GNB4: variants seen among roughly 807,000 people sequenced by gnomAD.
GNB4 encodes G protein subunit beta 4.
Under a neutral mutation model 45.2 loss-of-function variants are expected in GNB4, and 28 were observed. That is an observed-to-expected ratio of 0.62 (90% confidence interval 0.46 to 0.85). The LOEUF is 0.85. Among genes scored for constraint, GNB4 ranks in the 40% least tolerant of loss-of-function variants. The pLI is 0.00. For synonymous variants in GNB4, 132 were observed against 143.7 expected (o/e 0.92, Z 0.58); for missense variants, 321 against 425.4 (o/e 0.75, Z 2.16).
intron 1 of GNB4, among the ~76,000 whole-genome samples, chr3:179,449,415 C>A (rs1266035458): frequency 1.3e-5 from 2 of 152,194 alleles, no homozygotes. Context: ...GAAAAACAAA[C>A]ATGCTTCTGG....
the GNB4 span, among the ~76,000 whole-genome samples, chr3:179,472,529 A>T: frequency 6.6e-6 from 1 of 151,638 alleles, no homozygotes; most frequent in African/African-American, 2.4e-5. Context: ...GTGTCACTAT[A>T]CCTGGCAAGT....
chr3:179,502,389 A>T, the GNB4 span, among the ~76,000 whole-genome samples: 1 of 151,642 alleles, frequency 6.6e-6, no homozygotes, highest in Admixed American at 6.6e-5. Flanking sequence ...ACCCGCCACC[A>T]TGCCTGGCTA....
intron 2 of GNB4, among the ~76,000 whole-genome samples, chr3:179,423,668 C>G (rs1041453738): frequency 2.0e-5 from 3 of 152,106 alleles, no homozygotes; most frequent in Admixed American, 2.0e-4. Flanking sequence ...ATAGACCCAG[C>G]TTCTCAGGAC....
Position 179,396,093 on chromosome 3 carries a change from T to C in GNB4, c.*5120A>G, listed in dbSNP as rs1223339769. ...CATAAAAAAATACAATGAAATCTGG[T>C]TAAAAGCACTTTATTGATTACAGTA... On this transcript the variant is annotated 3_prime_UTR_variant, in exon 10 of 10. Transcript: ENST00000232564. 6.6e-6 allele frequency: 1 copy of C among 151,416 alleles called. No homozygotes were observed. Among genetic ancestry groups the C allele is most frequent in the Non-Finnish European group, 1.5e-5 (1 of 67,908 alleles). The allele number at this position is 151,416 out of a possible 1,614,324, so 9.4% of individuals were successfully genotyped here. A position where few individuals can be genotyped will look rare whatever the true frequency, so the allele number is the denominator to read the frequency against.
At chr3:179,448,881 C>T (rs576466047) in intron 1 of GNB4, among the ~76,000 whole-genome samples, 1 of 152,204 alleles carries the variant, frequency 6.6e-6, no homozygotes, top group Admixed American at 6.5e-5. Context: ...GAGTTCAAGA[C>T]CAGCCTGGGC....
the GNB4 span, among the ~76,000 whole-genome samples, chr3:179,521,053 G>A: frequency 1.3e-5 from 2 of 152,240 alleles, no homozygotes; most frequent in East Asian, 3.9e-4. Flanking sequence ...ATCAAACTCG[G>A]GGATTTGCCC....
At chr3:179,428,420 CTGAAG>C (rs1203756165) in intron 1 of GNB4, among the ~76,000 whole-genome samples, 1 of 152,186 alleles carries the variant, frequency 6.6e-6, no homozygotes, top group African/African-American at 2.4e-5. Context: ...TCCCATTCCG[CTGAAG>C]TGAAGACAAG....
chr3:179,401,289 C>G lies in GNB4; in HGVS notation c.947G>C (p.Ser316Thr). 6.2e-7 allele frequency: 1 copy of G among 1,613,020 alleles called. No homozygotes were observed. The highest frequency in any genetic ancestry group is 2.2e-5 in the East Asian group (1 of 44,858). ...GVLAGHDNRV[S>T]CLGVTDDGMA... ...GCCATCATCAGTTACACCTAAGCAG[C>G]TCACACGGTTGTCATGACCAGCAAG... The change falls in exon 10 of 10, where the codon AGC becomes ACC. Residue 316 changes from serine (S) to threonine (T), a missense_variant. Physicochemically the swap from Ser to Thr is moderately conservative, Grantham distance 58. Transcript: ENST00000232564.
At chr3:179,464,584 C>A in the GNB4 span, 1 of 1,446,792 alleles carries the variant, frequency 6.9e-7, no homozygotes, top group Middle Eastern at 1.7e-4. Context: ...GAGAGTTCTG[C>A]AAGTCACTCC....
the GNB4 span, chr3:179,464,537 C>T: frequency 1.9e-5 from 31 of 1,597,322 alleles, no homozygotes; most frequent in African/African-American, 4.0e-5. Context: ...TGGCCTCAGG[C>T]GACAAACGGC....
chr3:179,437,904 A>C (rs76044807), intron 1 of GNB4: 1 of 147,074 alleles, frequency 6.8e-6, no homozygotes, highest in South Asian at 2.2e-4. Flanking sequence ...CCATCTCTAC[A>C]AAAAAAAAAA....
At chr3:179,474,794 C>T in the GNB4 span, among the ~76,000 whole-genome samples, 1 of 120,362 alleles carries the variant, frequency 8.3e-6, no homozygotes, top group South Asian at 2.9e-4. Context: ...ATATGTCATC[C>T]CCACTGGAGT....
chr3:179,489,210 T>C, the GNB4 span, among the ~76,000 whole-genome samples: 3 of 150,980 alleles, frequency 2.0e-5, no homozygotes, highest in African/African-American at 7.3e-5. Context: ...AATTTGTTTA[T>C]CAAAATAAAA....
At chr3:179,472,396 G>A in the GNB4 span, among the ~76,000 whole-genome samples, 1 of 143,708 alleles carries the variant, frequency 7.0e-6, no homozygotes, top group Non-Finnish European at 1.5e-5. Flanking sequence ...TTAAGAGACA[G>A]GGTCTTGCTC....
the GNB4 span, among the ~76,000 whole-genome samples, chr3:179,520,876 C>T: frequency 1.3e-5 from 2 of 152,188 alleles, no homozygotes; most frequent in African/African-American, 4.8e-5. Context: ...TCACCACACA[C>T]CAGCAAAGGC....
chr3:179,502,165 T>C, the GNB4 span, among the ~76,000 whole-genome samples: 1 of 151,886 alleles, frequency 6.6e-6, no homozygotes, highest in East Asian at 1.9e-4. Context: ...ATGAAGTAAA[T>C]GTATAATTTT....
At chr3:179,469,903 A>T in the GNB4 span, among the ~76,000 whole-genome samples, 4 of 152,362 alleles carry the variant, frequency 2.6e-5, no homozygotes, top group South Asian at 8.3e-4. Context: ...CCTTCCTTAT[A>T]CTGAGGCCAA....
the GNB4 span, among the ~76,000 whole-genome samples, chr3:179,503,982 T>C: frequency 6.6e-6 from 1 of 152,192 alleles, no homozygotes; most frequent in South Asian, 2.1e-4. Context: ...GGAATGGCTC[T>C]GAGTTCTGAA....
rs1281118793 is a variant in GNB4, at chr3:179,434,714, C to A, written c.-42-8472G>T. On this transcript the variant is annotated intron_variant, in intron 1 of 9. Coordinates refer to ENST00000232564, the MANE Select transcript of GNB4 (RefSeq NM_021629.4). The stretch of plus-strand genomic sequence containing the variant: ...CCAGCCTGGGCAACAGAGCAAAACT[C>A]TGTCTCATTAAAAAAAAAAAAGAAA... Among the ~76,000 whole-genome samples the A allele has an allele frequency of 9.3e-5, 14 of 151,108 alleles. 1 individual carries two copies. In the Admixed American group the frequency reaches 9.3e-4, roughly 10 times the overall value.
Sources: allele counts gnomAD v4.1 joint callset (sites outside exome capture counted in the v4.1 genomes callset), GRCh38; gene constraint gnomAD v4.1.1; transcripts MANE v1.5; gene names NCBI Gene and HGNC (gene_info 2026-07-23, HGNC 2026-07-21).